SPECC1: variants seen among roughly 807,000 people sequenced by gnomAD.
The protein encoded by SPECC1 is cytospin-B.
Under a neutral mutation model 104.1 loss-of-function variants are expected in SPECC1, and 62 were observed. The ratio of observed to expected loss-of-function variants is 0.60; its 90% CI spans 0.49 to 0.74. The LOEUF is 0.74. Ranked by LOEUF, SPECC1 falls within the 30% of genes least tolerant of loss-of-function variation. The pLI is 0.00. For synonymous variants in SPECC1, 513 were observed against 501.6 expected, an observed-to-expected ratio of 1.02 and a Z score of -0.30; for missense variants, 1,306 against 1,310.5, an observed-to-expected ratio of 1.00 and a Z score of 0.05.
intron 1 of SPECC1, among the ~76,000 whole-genome samples, chr17:20,036,102 C>T (rs372636679): frequency 4.6e-5 from 7 of 151,878 alleles, no homozygotes; most frequent in Non-Finnish European, 8.8e-5. Flanking sequence ...TGAGCCACTG[C>T]GCTTGGCTGC....
At chr17:20,180,999 TA>T (rs35656680) in intron 3 of SPECC1, among the ~76,000 whole-genome samples, 106,891 of 151,450 alleles carry the variant, frequency 0.71, 39,357 homozygotes, top group East Asian at 0.99. Context: ...AAATTAGTGG[TA>T]AAAAAAAAGA....
intron 1 of SPECC1, chr17:20,018,209 T>G (rs1480492183): frequency 1.3e-5 from 2 of 152,228 alleles, no homozygotes; most frequent in Non-Finnish European, 2.9e-5. Context: ...CTCCCAAGCT[T>G]GTATTGGGCT....
At chr17:20,282,908 G>C (rs1317764709) in intron 12 of SPECC1, among the ~76,000 whole-genome samples, 2 of 152,216 alleles carry the variant, frequency 1.3e-5, no homozygotes, top group African/African-American at 4.8e-5. Context: ...GGTGCGTGCA[G>C]TGGCTCACGC....
At chr17:20,014,914 C>T (rs1447940670) in intron 1 of SPECC1, among the ~76,000 whole-genome samples, 2 of 152,088 alleles carry the variant, frequency 1.3e-5, no homozygotes, top group Non-Finnish European at 2.9e-5. Flanking sequence ...ACCACCATAC[C>T]CAGCTAATGT....
intron 1 of SPECC1, among the ~76,000 whole-genome samples, chr17:20,018,492 C>G (rs545233416): frequency 9.9e-5 from 15 of 152,210 alleles, no homozygotes; most frequent in Non-Finnish European, 1.8e-4. Context: ...TTGGGCTTAA[C>G]TGGTCCTCCT....
At chr17:20,144,778 A>AT (rs1308630214) in intron 3 of SPECC1, among the ~76,000 whole-genome samples, 4 of 152,102 alleles carry the variant, frequency 2.6e-5, no homozygotes, top group Non-Finnish European at 4.4e-5. Context: ...CTCAATGAAG[A>AT]TTTTTTATAT....
In SPECC1 at chr17:20,031,104, C is replaced by T. The variant is rs115269933; in HGVS notation, c.-22+21680C>T. Among the ~76,000 whole-genome samples the T allele has an allele frequency of 6.2e-3, 942 of 152,188 alleles. 8 individuals carry two copies. Among genetic ancestry groups the T allele is most frequent in the African/African-American group, 0.021 (886 of 41,540 alleles). ...CTGCCTCCTGGGTTCAAGCAATTCT[C>T]GTGTCTCAGTCTCACCAGTAGCTGG... is the stretch of plus-strand genomic sequence containing the variant. On this transcript the variant is annotated intron_variant, in intron 1 of 14. Coordinates refer to ENST00000395527, the MANE Select transcript of SPECC1 (RefSeq NM_001243439.2).
At chr17:20,070,402 G>A (rs1224371388) in intron 1 of SPECC1, among the ~76,000 whole-genome samples, 1 of 151,978 alleles carries the variant, frequency 6.6e-6, no homozygotes, top group African/African-American at 2.4e-5. Flanking sequence ...CTATTACTAG[G>A]GCAAATTATA....
chr17:20,224,148 G>T (rs753208203), intron 4 of SPECC1, among the ~76,000 whole-genome samples: 12 of 152,208 alleles, frequency 7.9e-5, no homozygotes, highest in Non-Finnish European at 1.6e-4. Flanking sequence ...GAATTTCCCG[G>T]TTTATGAGGC....
chr17:20,079,703 A>G (rs569650999), intron 1 of SPECC1, among the ~76,000 whole-genome samples: 107 of 152,324 alleles, frequency 7.0e-4, no homozygotes, highest in African/African-American at 2.5e-3. Context: ...CCCTAGGGAG[A>G]CAAGGGTGAG....
intron 2 of SPECC1, among the ~76,000 whole-genome samples, chr17:20,109,965 C>G (rs1162241939): frequency 6.6e-6 from 1 of 152,064 alleles, no homozygotes; most frequent in Non-Finnish European, 1.5e-5. Context: ...CTCAAGCAAT[C>G]CTCTCACCTC....
chr17:20,284,014 T>C (rs896575856), intron 12 of SPECC1, among the ~76,000 whole-genome samples: 2 of 152,254 alleles, frequency 1.3e-5, no homozygotes, highest in Non-Finnish European at 2.9e-5. Context: ...TTTATACTTT[T>C]TGCATTTTGT....
chr17:20,230,706 T>A (rs1459189496), intron 5 of SPECC1, among the ~76,000 whole-genome samples: 2 of 152,216 alleles, frequency 1.3e-5, no homozygotes, highest in Admixed American at 1.3e-4. Context: ...TGAAAAACTT[T>A]TAAACTTTTT....
chr17:20,286,604 G>T (rs2040955015), intron 12 of SPECC1, among the ~76,000 whole-genome samples: 1 of 152,092 alleles, frequency 6.6e-6, no homozygotes, highest in Non-Finnish European at 1.5e-5. Flanking sequence ...TTCTCAGCTT[G>T]CTCCCTGGGG....
chr17:20,276,988 C>A (rs1386746424), intron 12 of SPECC1, among the ~76,000 whole-genome samples: 1 of 152,190 alleles, frequency 6.6e-6, no homozygotes, highest in Admixed American at 6.5e-5. Context: ...AAGTCAGGGC[C>A]GTACCTGGGA....
In SPECC1 at chr17:20,022,465, T is replaced by A. The variant is rs184705359; in HGVS notation, c.-22+13041T>A. Among the ~76,000 whole-genome samples the A allele has an allele frequency of 4.4e-3, 663 of 152,340 alleles. 4 individuals are homozygous for A. The highest frequency in any genetic ancestry group is 7.7e-3 in the Admixed American group (118 of 15,302). ...TCCTAATATGTTATACGTCAGCTTT[T>A]TGGTTGGTATCTGTGTTGGATAAGA... On this transcript the variant is annotated intron_variant, in intron 1 of 14. Transcript: ENST00000395527.
At chr17:20,070,036 A>G (rs1290322341) in intron 1 of SPECC1, among the ~76,000 whole-genome samples, 2 of 152,122 alleles carry the variant, frequency 1.3e-5, no homozygotes, top group African/African-American at 4.8e-5. Flanking sequence ...GATTTTATAC[A>G]TATAAGAGCA....
intron 2 of SPECC1, among the ~76,000 whole-genome samples, chr17:20,099,735 A>T (rs527880615): frequency 6.6e-6 from 1 of 151,430 alleles, no homozygotes; most frequent in East Asian, 1.9e-4. Flanking sequence ...CAAAATATAT[A>T]AAATAAGGCC....
At position 20,009,489 on chromosome 17, in the gene SPECC1, T is replaced by C. The variant is rs1171450070; in HGVS notation, c.-22+65T>C. The C allele has an allele frequency of 1.3e-5, 2 of 152,306 alleles. No homozygotes were observed. Among genetic ancestry groups the C allele is most frequent in the African/African-American group, 4.8e-5 (2 of 41,560 alleles). 9.4% of individuals were successfully genotyped at this position (152,306 alleles called of 1,614,324 possible). On this transcript the variant is annotated intron_variant, in intron 1 of 14. Coordinates refer to ENST00000395527, the MANE Select transcript of SPECC1 (RefSeq NM_001243439.2). This position sits in a 1 kb window ranked among gnomAD's most constrained non-coding sequence, Gnocchi z 5.2. Reference sequence around the variant, plus strand: ...CTCTTTGCGCCTCAGCCGCGTGGTCTGAAGGGATGGGCGGGCGAGCGCGGG... The same window carrying C: ...CTCTTTGCGCCTCAGCCGCGTGGTCCGAAGGGATGGGCGGGCGAGCGCGGG...
Sources: gnomAD v4.1 joint callset for allele counts (sites outside exome capture counted in the v4.1 genomes callset) on GRCh38, gnomAD v4.1.1 for gene constraint, Gnocchi (gnomAD v3.1) non-coding constraint, MANE v1.5 for transcripts, NCBI Gene and HGNC (gene_info 2026-07-23, HGNC 2026-07-21) for gene names.